Variants in MCF2L observed in about 807,000 individuals in gnomAD.
MCF2L encodes guanine nucleotide exchange factor DBS.
In MCF2L, 97 loss-of-function variants were observed where a neutral mutation model predicts 153.4. That is an observed-to-expected ratio of 0.63 (90% CI 0.54 to 0.75). MCF2L has a LOEUF of 0.75. Among genes scored for constraint, MCF2L ranks in the 30% least tolerant of loss-of-function variants. The probability of loss-of-function intolerance (pLI) is 0.00; values close to 1 mark genes in which losing one functional copy is unlikely to be tolerated. For missense variants in MCF2L, 1,347 were observed against 1,495.2 expected (o/e 0.90, Z 1.64); for synonymous variants, 659 against 632.2 (o/e 1.04, Z -0.64).
intron 27 of MCF2L, chr13:113,095,631 C>T: frequency 2.0e-6 from 2 of 993,184 alleles, no homozygotes; most frequent in Middle Eastern, 5.2e-4. Context: ...GAGCAGGTGG[C>T]CCAGTCACCG....
chr13:112,905,954 G>A (rs1451532989), intron 2 of MCF2L, among the ~76,000 whole-genome samples: 1 of 152,204 alleles, frequency 6.6e-6, no homozygotes, highest in African/African-American at 2.4e-5. Flanking sequence ...GATAGAAGGT[G>A]ATTCCCCCTG....
At chr13:113,081,389 ATG>A in intron 16 of MCF2L, 110 bp downstream of exon 16, 1 of 1,093,572 alleles carries the variant, frequency 9.1e-7, no homozygotes, top group Non-Finnish European at 1.3e-6. Context: ...CACCAAATGC[ATG>A]TGAGAGAGCG....
intron 2 of MCF2L, among the ~76,000 whole-genome samples, chr13:112,959,804 G>T (rs2081801980): frequency 6.6e-6 from 1 of 152,192 alleles, no homozygotes; most frequent in Non-Finnish European, 1.5e-5. Flanking sequence ...GGCATGGTGT[G>T]TCCACAGCAG....
intron 20 of MCF2L, 41 bp downstream of exon 20, chr13:113,085,219 T>A: frequency 6.3e-7 from 1 of 1,584,794 alleles, no homozygotes; most frequent in Non-Finnish European, 8.6e-7. Context: ...CCCCAGCACC[T>A]GCTGGCCAGG....
At chr13:113,018,437 A>T (rs952158034) in intron 2 of MCF2L, among the ~76,000 whole-genome samples, 4 of 152,214 alleles carry the variant, frequency 2.6e-5, no homozygotes, top group Non-Finnish European at 5.9e-5. Flanking sequence ...GAAATATCCT[A>T]CATGTAAATT....
intron 1 of MCF2L, among the ~76,000 whole-genome samples, chr13:112,981,584 C>T (rs149645549): frequency 5.3e-4 from 81 of 152,324 alleles, no homozygotes; most frequent in Non-Finnish European, 1.1e-3. Context: ...GCGGCCTCCG[C>T]GGCACAGATC....
intron 4 of MCF2L, among the ~76,000 whole-genome samples, chr13:113,055,368 GAC>G (rs1491286786): frequency 8.4e-5 from 4 of 47,360 alleles, no homozygotes; most frequent in African/African-American, 4.2e-4. Context: ...TGGAGACGTG[GAC>G]CCCCCCCCCC....
Position 113,089,712 on chromosome 13 carries a change from C to T in MCF2L, c.2937C>T (p.Pro979=), listed in dbSNP as rs142256342. The T allele has an allele frequency of 2.9e-3, 4,731 of 1,613,798 alleles. 16 individuals are homozygous for T. The highest frequency in any genetic ancestry group is 3.4e-3 in the Non-Finnish European group (4,039 of 1,179,974). Residue 979 remains proline (P), a synonymous_variant, in exon 26 of 30, where the codon CCC becomes CCT. Coordinates refer to ENST00000535094, the MANE Select transcript of MCF2L (RefSeq NM_001112732.3). ...TCAGCTCAGCGCCACTGACAAAGCC[C>T]CCCGAAAAGGGCAAAGGTGGGTATG... The part of the protein sequence containing the change: ...GYVSSAPLTK[P]PEKGKGWSKT...
rs938519704 is a variant in MCF2L at position 113,078,377 on chromosome 13, T to A, written c.1675T>A (p.Ser559Thr). 1.6e-5 allele frequency: 26 copies of A among 1,613,268 alleles called. No individual in the cohort carries two copies. Among genetic ancestry groups the A allele is most frequent in the Admixed American group, 5.0e-5 (3 of 59,986 alleles). Reference sequence around the variant, plus strand: ...CTTCCCAACAGGCATTCGGCGAGGCTCTGAGAACTCCAGCTCCGAGGGCGG... The same window carrying A: ...CTTCCCAACAGGCATTCGGCGAGGCACTGAGAACTCCAGCTCCGAGGGCGG... ...PCPSPGIRRG[S>T]ENSSSEGGAL... Residue 559 changes from serine to threonine, a missense_variant, in exon 14 of 30, where the codon TCT becomes ACT. Physicochemically the swap from Ser to Thr is moderately conservative, Grantham distance 58 (BLOSUM62 1). Transcript: ENST00000535094.
chr13:112,986,396 A>G (rs957114364), intron 1 of MCF2L, among the ~76,000 whole-genome samples: 3 of 152,258 alleles, frequency 2.0e-5, no homozygotes, highest in Non-Finnish European at 4.4e-5. Context: ...CAGGGTTGTC[A>G]GAGCGTCCCA....
At chr13:112,912,532 G>A (rs2081243516) in intron 2 of MCF2L, among the ~76,000 whole-genome samples, 1 of 152,102 alleles carries the variant, frequency 6.6e-6, no homozygotes, top group Non-Finnish European at 1.5e-5. Context: ...GGCCAGGCTG[G>A]TCTCGAACTC....
At chr13:113,088,676 G>C in intron 25 of MCF2L, 48 bp downstream of exon 25, 12 of 1,577,088 alleles carry the variant, frequency 7.6e-6, no homozygotes, top group Non-Finnish European at 1.0e-5. Context: ...GAGCAGTCCC[G>C]AGCAGGCCAT....
chr13:113,041,924 G>A (rs976743775), intron 3 of MCF2L, among the ~76,000 whole-genome samples: 2 of 152,178 alleles, frequency 1.3e-5, no homozygotes, highest in Non-Finnish European at 2.9e-5. Context: ...TCCCCTGTCC[G>A]TGCTCACAGC....
intron 3 of MCF2L, among the ~76,000 whole-genome samples, chr13:113,025,851 G>C (rs1206054197): frequency 1.8e-4 from 25 of 138,758 alleles, no homozygotes; most frequent in East Asian, 7.1e-4. Flanking sequence ...TTTCATCATG[G>C]TGGGGTCCCC....
In MCF2L at chr13:113,014,795, T is replaced by C; in HGVS notation, c.112T>C (p.Cys38Arg). Residue 38 changes from cysteine to arginine, a missense_variant, in exon 2 of 30, where the codon TGT becomes CGT. Physicochemically the swap from Cys to Arg is radical, Grantham distance 180 (BLOSUM62 -3). Around this residue, in one of 3 missense-constraint regions of MCF2L, gnomAD observed 820 missense variants for 921.2 expected, o/e 0.89. Transcript: ENST00000535094. ...EIMHQDIVPLCAADIQDQLKK... is the reference protein window; with the variant it reads ...EIMHQDIVPLRAADIQDQLKK... ...CATGCACCAGGACATCGTCCCGCTC[T>C]GTGCTGCCGACATCCAGGACCAGCT... 2.5e-6 allele frequency: 4 copies of C among 1,614,066 alleles called. No individual in the cohort carries two copies. The highest frequency in any genetic ancestry group is 3.4e-6 in the Non-Finnish European group (4 of 1,180,008).
chr13:113,023,306 A>C (rs1251505983), intron 2 of MCF2L, among the ~76,000 whole-genome samples: 1 of 152,208 alleles, frequency 6.6e-6, no homozygotes, highest in African/African-American at 2.4e-5. Context: ...TGTCCCATTG[A>C]GGGGTGCCGA....
At chr13:112,985,275 C>T in intron 1 of MCF2L, 1 of 399,730 alleles carries the variant, frequency 2.5e-6, no homozygotes, top group South Asian at 1.8e-5. Context: ...GCTGGTCCCT[C>T]ATGCAGATTT....
chr13:112,906,893 C>T (rs2081178570), intron 2 of MCF2L, among the ~76,000 whole-genome samples: 1 of 152,194 alleles, frequency 6.6e-6, no homozygotes, highest in Non-Finnish European at 1.5e-5. Context: ...ATTTTCGTCC[C>T]AGCAAACCTT....
intron 4 of MCF2L, among the ~76,000 whole-genome samples, chr13:113,049,715 A>G (rs2087082136): frequency 6.6e-6 from 1 of 151,936 alleles, no homozygotes; most frequent in Non-Finnish European, 1.5e-5. Context: ...GCCACAAAGC[A>G]AGCCCGTGGC....
Sources: gnomAD v4.1 joint callset for allele counts (sites outside exome capture counted in the v4.1 genomes callset) on GRCh38, gnomAD v4.1.1 for gene constraint, gnomAD v4.1.1 regional missense constraint, MANE v1.5 for transcripts, NCBI Gene and HGNC (gene_info 2026-07-23, HGNC 2026-07-21) for gene names.